Variants in NCKAP5 observed in about 807,000 individuals in gnomAD.
NCKAP5 encodes nck-associated protein 5.
A neutral mutation model predicts 167.0 loss-of-function variants in NCKAP5; 92 were observed. That is an observed-to-expected ratio of 0.55 (90% CI 0.47 to 0.66). The LOEUF (loss-of-function observed/expected upper bound fraction) is 0.66. Among genes scored for constraint, NCKAP5 ranks in the 30% least tolerant of loss-of-function variants. NCKAP5 has a pLI of 0.00. For missense variants in NCKAP5, 2,378 were observed against 2,315.0 expected (o/e 1.03, Z -0.56); for synonymous variants, 891 against 877.4 (o/e 1.02, Z -0.27).
At chr2:132,775,884 T>C (rs1682505462) in intron 15 of NCKAP5, among the ~76,000 whole-genome samples, 1 of 152,228 alleles carries the variant, frequency 6.6e-6, no homozygotes, top group Non-Finnish European at 1.5e-5. Context: ...TTTGGGTTTT[T>C]CCAAATTTAT....
chr2:132,966,911 T>C (rs2076685890), intron 7 of NCKAP5, among the ~76,000 whole-genome samples: 1 of 152,080 alleles, frequency 6.6e-6, no homozygotes, highest in Non-Finnish European at 1.5e-5. Flanking sequence ...AGCATATCAC[T>C]AAATAGACCA....
At chr2:132,939,727 T>A (rs985210569) in intron 8 of NCKAP5, among the ~76,000 whole-genome samples, 1 of 152,132 alleles carries the variant, frequency 6.6e-6, no homozygotes, top group Non-Finnish European at 1.5e-5. Context: ...TGGCTGAGCA[T>A]GGTGGCTCAC....
the NCKAP5 span, among the ~76,000 whole-genome samples, chr2:133,626,035 C>T: frequency 1.3e-5 from 2 of 152,042 alleles, no homozygotes; most frequent in African/African-American, 4.8e-5. Flanking sequence ...TAAACAAAAG[C>T]AAAGAATCAA....
intron 9 of NCKAP5, among the ~76,000 whole-genome samples, chr2:132,877,568 G>C (rs536451387): frequency 6.6e-6 from 1 of 152,284 alleles, no homozygotes; most frequent in African/African-American, 2.4e-5. Flanking sequence ...TGAGGCCCTA[G>C]GGGAGGCTGA....
chr2:132,687,798 T>C (rs1345974805), intron 19 of NCKAP5, among the ~76,000 whole-genome samples: 1 of 150,266 alleles, frequency 6.7e-6, no homozygotes, highest in Admixed American at 6.6e-5. Context: ...AGAAATTTCA[T>C]TTTAAGCAAG....
intron 4 of NCKAP5, among the ~76,000 whole-genome samples, chr2:133,295,562 A>G (rs576047158): frequency 6.6e-6 from 1 of 152,160 alleles, no homozygotes; most frequent in Non-Finnish European, 1.5e-5. Flanking sequence ...TACTCAGGAA[A>G]ATGCTTGCAT....
At chr2:132,701,025 G>A (rs953492037) in intron 19 of NCKAP5, among the ~76,000 whole-genome samples, 1 of 150,560 alleles carries the variant, frequency 6.6e-6, no homozygotes, top group African/African-American at 2.5e-5. Context: ...AGGTCTGTGG[G>A]TAGGAAGCTT....
intron 3 of NCKAP5, among the ~76,000 whole-genome samples, chr2:133,319,536 T>G (rs951489608): frequency 2.6e-5 from 4 of 152,136 alleles, no homozygotes; most frequent in Non-Finnish European, 5.9e-5. Flanking sequence ...CTATTTGGGA[T>G]TTGAAGAGAC....
At chr2:133,440,346 G>A (rs996371519) in intron 3 of NCKAP5, among the ~76,000 whole-genome samples, 2 of 152,136 alleles carry the variant, frequency 1.3e-5, no homozygotes, top group African/African-American at 2.4e-5. Flanking sequence ...GGACATTTGT[G>A]CAGGGACTGG....
rs147432831 is a variant in NCKAP5 at position 133,476,770 on chromosome 2, G to T, written c.69+40688C>A. On this transcript the variant is annotated intron_variant, in intron 3 of 19. Transcript: ENST00000409261. ...AGGCTTCATGCTCTTATAGCACATTGATTTTTATATCATGGATTAATATTT... is the reference window on the plus strand; with the variant it reads ...AGGCTTCATGCTCTTATAGCACATTTATTTTTATATCATGGATTAATATTT... 2.6e-5 allele frequency among the ~76,000 whole-genome samples: 4 copies of T among 152,236 alleles called. No homozygotes were observed. In the East Asian group the frequency reaches 7.7e-4, roughly 29 times the overall value.
At chr2:133,146,474 G>A (rs901083685) in intron 5 of NCKAP5, among the ~76,000 whole-genome samples, 19 of 152,172 alleles carry the variant, frequency 1.2e-4, no homozygotes, top group African/African-American at 4.1e-4. Context: ...CCAAATGCAA[G>A]GAATCTTTTA....
chr2:132,908,429 G>A (rs1198926086), intron 8 of NCKAP5, among the ~76,000 whole-genome samples: 1 of 152,116 alleles, frequency 6.6e-6, no homozygotes, highest in Non-Finnish European at 1.5e-5. Context: ...GGTCTGAATG[G>A]GGTAGAGTGT....
intron 3 of NCKAP5, among the ~76,000 whole-genome samples, chr2:133,469,261 T>C (rs1218695921): frequency 2.0e-5 from 3 of 152,080 alleles, no homozygotes; most frequent in Admixed American, 1.3e-4. Context: ...ATTTCTCCTT[T>C]GCTTATGAAG....
intron 19 of NCKAP5, among the ~76,000 whole-genome samples, chr2:132,689,954 ATATCT>A (rs1686508393): frequency 6.6e-6 from 1 of 152,130 alleles, no homozygotes; most frequent in African/African-American, 2.4e-5. Flanking sequence ...ATATAGATTG[ATATCT>A]TAGTATATGA....
intron 3 of NCKAP5, among the ~76,000 whole-genome samples, chr2:133,315,475 A>C (rs1003600883): frequency 3.3e-5 from 5 of 152,180 alleles, no homozygotes; most frequent in African/African-American, 1.2e-4. Flanking sequence ...ACGTCATTAC[A>C]TATGAAAGAG....
chr2:133,210,446 T>C (rs941139564), intron 5 of NCKAP5, among the ~76,000 whole-genome samples: 3 of 152,086 alleles, frequency 2.0e-5, no homozygotes, highest in African/African-American at 7.2e-5. Context: ...TCCTTTCATG[T>C]GAATAAAAAT....
chr2:133,523,256 C>T (rs550369424), intron 2 of NCKAP5, among the ~76,000 whole-genome samples: 4 of 151,728 alleles, frequency 2.6e-5, no homozygotes, highest in African/African-American at 9.7e-5. Flanking sequence ...AAAACCGCAC[C>T]ATTGAATAAA....
chr2:133,297,166 A>AGTGTGTGTGTGTGTGTGT (rs60321858), intron 4 of NCKAP5, among the ~76,000 whole-genome samples: 7 of 142,176 alleles, frequency 4.9e-5, no homozygotes, highest in Admixed American at 1.4e-4. Flanking sequence ...AGGTTGTCAC[A>AGTGTGTGTGTGTGTGTGT]GTGTGTGTGT....
the NCKAP5 span, among the ~76,000 whole-genome samples, chr2:133,648,251 C>CTAGA: frequency 6.6e-6 from 1 of 150,530 alleles, no homozygotes. Flanking sequence ...ATCAGATTAG[C>CTAGA]TAGATATATT....
Sources: allele counts gnomAD v4.1 joint callset (sites outside exome capture counted in the v4.1 genomes callset), GRCh38; gene constraint gnomAD v4.1.1; transcripts MANE v1.5; gene names NCBI Gene and HGNC (gene_info 2026-07-23, HGNC 2026-07-21).